Variants in DOCK6 observed in about 807,000 individuals in gnomAD.
DOCK6 encodes dedicator of cytokinesis protein 6.
DOCK6 carries 167 observed loss-of-function variants against 230.3 expected under a neutral mutation model. The ratio of observed to expected loss-of-function variants is 0.73; its 90% CI spans 0.64 to 0.82. The LOEUF (loss-of-function observed/expected upper bound fraction) is 0.82, where lower values mean the gene tolerates loss of function less well. Ranked by LOEUF, DOCK6 falls within the 40% of genes least tolerant of loss-of-function variation. The pLI, the probability that DOCK6 is intolerant of heterozygous loss-of-function variation, is 0.00. For synonymous variants in DOCK6, 1,148 were observed against 1,185.0 expected, an observed-to-expected ratio of 0.97 and a Z score of 0.64; for missense variants, 2,598 against 2,825.8, an observed-to-expected ratio of 0.92 and a Z score of 1.83.
rs2079447772 is a variant in DOCK6 at position 11,214,549 on chromosome 19, C to G, written c.4203+4G>C. 1 of 1,613,802 alleles carries G rather than the reference C, an allele frequency of 6.2e-7. No individual in the cohort carries two copies. Among genetic ancestry groups the G allele is most frequent in the African/African-American group, 1.3e-5 (1 of 74,932 alleles). ...CACAAGGCAGATGCTGGATCAAGCC[C>G]TACCTGCACGATGATCTCCAGTGTG... On this transcript the variant is annotated splice_donor_region_variant and intron_variant, in intron 33 of 47. Coordinates refer to ENST00000294618, the MANE Select transcript of DOCK6 (RefSeq NM_020812.4).
Position 11,236,551 on chromosome 19 carries a change from G to C in DOCK6, c.2187C>G (p.Thr729=). Residue 729 remains threonine (T), a synonymous_variant, in exon 20 of 48, where the codon ACC becomes ACG. Transcript: ENST00000294618. The surrounding 1 kb of genome is among the most constrained non-coding windows in gnomAD (Gnocchi z 5.2). ...PQDPYLDKFF[T]LVHVLEEGAF... ...CTCCCTCCTCCAGGACGTGCACCAG[G>C]GTGAAGAATTTGTCCAGGTAGGGGT... The C allele has an allele frequency of 6.3e-7, 1 of 1,598,732 alleles. No homozygotes were observed. Among genetic ancestry groups the C allele is most frequent in the Non-Finnish European group, 8.5e-7 (1 of 1,173,110 alleles).
chr19:11,257,095 T>C (rs1280128830), intron 1 of DOCK6, among the ~76,000 whole-genome samples: 1 of 152,000 alleles, frequency 6.6e-6, no homozygotes, highest in African/African-American at 2.4e-5. Context: ...CAAGGAATCC[T>C]CCTGCCTCAG....
rs772071596 is a variant in DOCK6 at position 11,222,789 on chromosome 19, G to A, written c.3186C>T (p.Cys1062=). The change falls in exon 26 of 48, where the codon TGC becomes TGT. Residue 1062 remains cysteine (C), a synonymous_variant. Transcript: ENST00000294618. The surrounding 1 kb of genome is among the most constrained non-coding windows in gnomAD (Gnocchi z 4.0). ...AGGGCGAGGCTGGAGGTGACAGGGG[G>A]CAGCAGGGGAGGTTGAGGGTCACGT... ...EHYVTLNLPC[C]PLSPPASPSP... is the part of the protein sequence containing the mutation. 12 of 1,586,646 alleles carry A rather than the reference G, an allele frequency of 7.6e-6. No homozygotes were observed. The South Asian group carries it at 1.3e-4, about 17-fold the overall frequency.
At chr19:11,233,171 G>A in intron 22 of DOCK6, 32 bp downstream of exon 22, 1 of 1,606,866 alleles carries the variant, frequency 6.2e-7, no homozygotes, top group Non-Finnish European at 8.5e-7. Flanking sequence ...CAACCACTGA[G>A]GCTGGAGATT....
In DOCK6 at chr19:11,233,203, C is replaced by T. The variant is rs372894286; in HGVS notation, c.2718G>A (p.Lys906=). Residue 906 remains lysine (K), a splice_region_variant and synonymous_variant, in exon 22 of 48, where the codon AAG becomes AAA. Transcript: ENST00000294618. ...GATTCCAGGGCCCCCGTTGCCCTAC[C>T]TTGCTGGCCAGGATGCGGGAAACCT... The part of the protein sequence containing the change: ...DDEVSRILAS[K]LLHEELALQW... The T allele has an allele frequency of 6.2e-7, 1 of 1,612,944 alleles. No individual in the cohort carries two copies. Among genetic ancestry groups the T allele is most frequent in the Non-Finnish European group, 8.5e-7 (1 of 1,179,566 alleles).
intron 39 of DOCK6, among the ~76,000 whole-genome samples, chr19:11,205,157 T>C (rs1212912742): frequency 6.6e-6 from 1 of 152,206 alleles, no homozygotes; most frequent in Non-Finnish European, 1.5e-5. Flanking sequence ...TCAGAAGGCC[T>C]GTGTCCACCC....
chr19:11,232,027 A>C (rs12979813), intron 22 of DOCK6, among the ~76,000 whole-genome samples: 1 of 151,992 alleles, frequency 6.6e-6, no homozygotes, highest in Admixed American at 6.6e-5. Context: ...ACCCAGTGAT[A>C]CCTAAACACA....
chr19:11,245,744 C>T lies in DOCK6; in HGVS notation c.874-32G>A, dbSNP rs756902676. On this transcript the variant is annotated intron_variant, in intron 8 of 47. Transcript: ENST00000294618. ...ACACCAGAGGCAGCTGGGCCACCAC[C>T]TCTGGGAAGCCCACAGCCCCCCAAC... 5 of 1,606,344 alleles carry T rather than the reference C, an allele frequency of 3.1e-6. No individual in the cohort carries two copies. The African/African-American group carries it at 5.4e-5, about 17-fold the overall frequency.
chr19:11,247,895 CGGGAT>C (rs1390064552), intron 7 of DOCK6, 166 bp downstream of exon 7: 3 of 605,542 alleles, frequency 5.0e-6, no homozygotes, highest in Non-Finnish European at 8.9e-6. Flanking sequence ...ATTGGAGACT[CGGGAT>C]AATGAAAAAG....
In DOCK6 at chr19:11,208,947, G is replaced by C; in HGVS notation, c.4908C>G (p.Asp1636Glu). Residue 1636 changes from aspartate (D) to glutamate (E), a missense_variant, in exon 38 of 48, where the codon GAC becomes GAG. Coordinates refer to ENST00000294618, the MANE Select transcript of DOCK6 (RefSeq NM_020812.4). The part of the protein sequence containing the change: ...LVAEYLALLE[D>E]HRHLPVGCVS... ...CGCAGCCCACGGGCAGGTGGCGGTG[G>C]TCCTCGAGCAGGGCGAGGTACTCAG... 2 of 1,598,570 alleles carry C rather than the reference G, an allele frequency of 1.3e-6. No individual in the cohort carries two copies. The highest frequency in any genetic ancestry group is 1.7e-6 in the Non-Finnish European group (2 of 1,168,158).
chr19:11,209,015 C>A lies in DOCK6; in HGVS notation c.4840G>T (p.Ala1614Ser). 1.2e-6 allele frequency: 2 copies of A among 1,611,658 alleles called. No homozygotes were observed. Among genetic ancestry groups the A allele is most frequent in the South Asian group, 2.2e-5 (2 of 90,922 alleles). ...AGKHAELGNH[A>S]EAAQCMVHAA... ...TGCACCATGCACTGGGCGGCCTCGGCGTGGTTGCCCAGCTCCGCGTGCTTC... is the reference window on the plus strand; with the variant it reads ...TGCACCATGCACTGGGCGGCCTCGGAGTGGTTGCCCAGCTCCGCGTGCTTC... Residue 1614 changes from alanine (A) to serine (S), a missense_variant, in exon 38 of 48, where the codon GCC becomes TCC. Ala to Ser is a moderately conservative substitution (Grantham distance 99). Coordinates refer to ENST00000294618, the MANE Select transcript of DOCK6 (RefSeq NM_020812.4).
At chr19:11,248,846 G>A (rs1044880688) in intron 6 of DOCK6, among the ~76,000 whole-genome samples, 4 of 152,088 alleles carry the variant, frequency 2.6e-5, no homozygotes, top group Admixed American at 6.6e-5. Context: ...CATGTTAGTC[G>A]AATAATTATA....
At chr19:11,261,232 C>T (rs1386221252) in intron 1 of DOCK6, among the ~76,000 whole-genome samples, 1 of 151,996 alleles carries the variant, frequency 6.6e-6, no homozygotes, top group Admixed American at 6.6e-5. Flanking sequence ...CCACTCTTTC[C>T]CCCCACAAAC....
Position 11,242,083 on chromosome 19 carries a change from G to A in DOCK6, c.1605C>T (p.Phe535=). ...GGGGGGCATAGACTTCGCGGGCGGG[G>A]AACTCCAGAATCTCCTTGGTGGGCC... The part of the protein sequence containing the change: ...RGRPTKEILE[F]PAREVYAPHT... The change falls in exon 14 of 48, where the codon TTC becomes TTT. Residue 535 remains phenylalanine, a synonymous_variant. Coordinates refer to ENST00000294618, the MANE Select transcript of DOCK6 (RefSeq NM_020812.4). 7 of 1,545,960 alleles carry A rather than the reference G, an allele frequency of 4.5e-6. No homozygotes were observed. The highest frequency in any genetic ancestry group is 6.1e-6 in the Non-Finnish European group (7 of 1,153,086).
At chr19:11,249,509 C>CA (rs961767140) in intron 6 of DOCK6, among the ~76,000 whole-genome samples, 46 of 143,136 alleles carry the variant, frequency 3.2e-4, no homozygotes, top group African/African-American at 7.4e-4. Context: ...AGACTTGTCT[C>CA]AAAAAAAAAA....
intron 22 of DOCK6, 126 bp downstream of exon 22, chr19:11,233,077 A>G (rs762061837): frequency 2.0e-4 from 262 of 1,318,582 alleles, no homozygotes; most frequent in Non-Finnish European, 2.4e-4. Context: ...TCTGCTGCCC[A>G]GAGTGACGCC....
At chr19:11,245,123 A>G (rs1401234036) in intron 9 of DOCK6, among the ~76,000 whole-genome samples, 1 of 152,202 alleles carries the variant, frequency 6.6e-6, no homozygotes, top group Non-Finnish European at 1.5e-5. Context: ...AAGCGTGACC[A>G]TAGCAGCACC....
In DOCK6 at chr19:11,200,538, G is replaced by A; in HGVS notation, c.5940-69C>T. ...GACTGAAAGCAAGACTAGGGGTGGG[G>A]GCACCCATAAGGCGGGACCAGGCCT... On this transcript the variant is annotated intron_variant, in intron 46 of 47. Transcript: ENST00000294618. The surrounding 1 kb of genome is among the most constrained non-coding windows in gnomAD (Gnocchi z 4.3). 6.4e-7 allele frequency: 1 copy of A among 1,567,784 alleles called. No individual in the cohort carries two copies. The highest frequency in any genetic ancestry group is 2.4e-5 in the East Asian group (1 of 42,396).
In DOCK6 at chr19:11,257,535, T is replaced by A. The variant is rs191868265; in HGVS notation, c.45-3809A>T. Among the ~76,000 whole-genome samples the A allele has an allele frequency of 3.5e-4, 47 of 132,460 alleles. 1 individual carries two copies. The East Asian group carries it at 6.4e-3, about 18-fold the overall frequency. The allele number at this position is 132,460 out of a possible 152,430, so 86.9% of individuals were successfully genotyped here. On this transcript the variant is annotated intron_variant, in intron 1 of 47. Transcript: ENST00000294618. ...TGGGCACTGTGGCTTATGCCTGTAA[T>A]CCCAGCACTTCGGGAGGCCGAGGCG...
Sources: gnomAD v4.1 joint callset for allele counts (sites outside exome capture counted in the v4.1 genomes callset) on GRCh38, gnomAD v4.1.1 for gene constraint, Gnocchi (gnomAD v3.1) non-coding constraint, MANE v1.5 for transcripts, NCBI Gene and HGNC (gene_info 2026-07-23, HGNC 2026-07-21) for gene names.